The following TCF7L1 variants were observed in gnomAD, a reference collection of about 807,000 sequenced individuals.
TCF7L1 encodes the protein transcription factor 7-like 1.
TCF7L1 carries 18 observed loss-of-function variants against 63.7 expected under a neutral mutation model. The ratio of observed to expected loss-of-function variants is 0.28; its 90% CI spans 0.20 to 0.42. TCF7L1 has a LOEUF of 0.42. TCF7L1 is among the 10% of genes least tolerant of loss of function. The pLI is 1.00. For missense variants in TCF7L1, 654 were observed against 779.3 expected (o/e 0.84, Z 1.91); for synonymous variants, 355 against 340.9 (o/e 1.04, Z -0.46).
chr2:85,140,254 C>CA (rs1467243118), intron 3 of TCF7L1, among the ~76,000 whole-genome samples: 1 of 152,132 alleles, frequency 6.6e-6, no homozygotes, highest in Non-Finnish European at 1.5e-5. Flanking sequence ...TGACAGAGCC[C>CA]ACACAGTCTA....
intron 3 of TCF7L1, among the ~76,000 whole-genome samples, chr2:85,155,196 C>G (rs1678115950): frequency 6.6e-6 from 1 of 152,162 alleles, no homozygotes; most frequent in Non-Finnish European, 1.5e-5. Context: ...ACTTGGAGAA[C>G]TTTTCTGTCT....
At chr2:85,159,554 G>A (rs1678232686) in intron 3 of TCF7L1, among the ~76,000 whole-genome samples, 1 of 152,260 alleles carries the variant, frequency 6.6e-6, no homozygotes, top group Admixed American at 6.5e-5. Context: ...AATGTGAAAG[G>A]AAACAGGTTG....
At chr2:85,182,102 T>C (rs1572979989) in intron 3 of TCF7L1, among the ~76,000 whole-genome samples, 1 of 151,872 alleles carries the variant, frequency 6.6e-6, no homozygotes, top group East Asian at 1.9e-4. Flanking sequence ...CCTGAAGGAA[T>C]TAAGTGGGAT....
intron 3 of TCF7L1, among the ~76,000 whole-genome samples, chr2:85,237,212 T>C (rs1680211900): frequency 6.6e-6 from 1 of 152,214 alleles, no homozygotes; most frequent in African/African-American, 2.4e-5. Flanking sequence ...CTGGACAGTT[T>C]GTCTAGTGGT....
rs1558617705 is a variant in TCF7L1, at chr2:85,152,798, T to C, written c.441+18348T>C. ...TCTGTTCATCAATCCCCCTACTTAA[T>C]AGTTGTATAATTTTACATGATAATT... On this transcript the variant is annotated intron_variant, in intron 3 of 11. Transcript: ENST00000282111. Among the ~76,000 whole-genome samples the C allele has an allele frequency of 7.2e-5, 11 of 152,312 alleles. 1 individual carries two copies. In the South Asian group the frequency reaches 2.1e-3, roughly 29 times the overall value.
chr2:85,308,750 A>G (rs1195256488), intron 11 of TCF7L1, among the ~76,000 whole-genome samples: 1 of 152,118 alleles, frequency 6.6e-6, no homozygotes, highest in Non-Finnish European at 1.5e-5. Context: ...CCCAAAAGTT[A>G]CCAGCTTTAG....
intron 3 of TCF7L1, among the ~76,000 whole-genome samples, chr2:85,222,776 C>A (rs1325084333): frequency 6.6e-6 from 1 of 150,914 alleles, no homozygotes; most frequent in African/African-American, 2.4e-5. Flanking sequence ...TTGGAATAAA[C>A]TGTAGGGAAA....
intron 3 of TCF7L1, among the ~76,000 whole-genome samples, chr2:85,277,800 C>G (rs775411096): frequency 8.5e-5 from 13 of 152,196 alleles, no homozygotes; most frequent in Non-Finnish European, 1.6e-4. Context: ...AGCTTTGTTT[C>G]CTCTGTTGCC....
At chr2:85,302,690 T>A in intron 5 of TCF7L1, 74 bp downstream of exon 5, 1 of 1,536,688 alleles carries the variant, frequency 6.5e-7, no homozygotes, top group Non-Finnish European at 8.8e-7. Context: ...ATAACAGCCC[T>A]TGAATCAGGC....
intron 3 of TCF7L1, among the ~76,000 whole-genome samples, chr2:85,227,655 G>T (rs1392578718): frequency 6.6e-6 from 1 of 152,072 alleles, no homozygotes; most frequent in Admixed American, 6.6e-5. Context: ...AGTGATGCCT[G>T]CCACTTATTT....
rs75738078 is a variant in TCF7L1 at position 85,160,911 on chromosome 2, A to G, written c.441+26461A>G. On this transcript the variant is annotated intron_variant, in intron 3 of 11. Coordinates refer to ENST00000282111, the MANE Select transcript of TCF7L1 (RefSeq NM_031283.3). ...TCCAGAAGATCATTTGCAATCATCA[A>G]TGAGAACCCGCACATCATTCCTGTT... 7.3e-3 allele frequency among the ~76,000 whole-genome samples: 1,117 copies of G among 152,312 alleles called. 19 individuals are homozygous for G. Among genetic ancestry groups the G allele is most frequent in the South Asian group, 0.039 (186 of 4,818 alleles).
chr2:85,266,965 G>T (rs1319254580), intron 3 of TCF7L1, among the ~76,000 whole-genome samples: 2 of 152,208 alleles, frequency 1.3e-5, no homozygotes, highest in Non-Finnish European at 2.9e-5. Context: ...GGGCCTGACT[G>T]CCCTTATCTG....
At chr2:85,178,084 C>T (rs1194919790) in intron 3 of TCF7L1, among the ~76,000 whole-genome samples, 1 of 152,052 alleles carries the variant, frequency 6.6e-6, no homozygotes, top group Admixed American at 6.5e-5. Flanking sequence ...AAAGCAGGGA[C>T]CTTGCCAGGT....
chr2:85,136,779 G>A (rs1677605620), intron 3 of TCF7L1, among the ~76,000 whole-genome samples: 2 of 152,190 alleles, frequency 1.3e-5, no homozygotes, highest in Non-Finnish European at 1.5e-5. Context: ...TTCGTTTGCT[G>A]CCAGTAAGTA....
At chr2:85,296,184 G>C (rs944141669) in intron 4 of TCF7L1, among the ~76,000 whole-genome samples, 16 of 152,268 alleles carry the variant, frequency 1.1e-4, no homozygotes, top group African/African-American at 3.9e-4. Context: ...CTGGTCCCAG[G>C]TTCCACCTGG....
At chr2:85,173,949 C>T (rs903195498) in intron 3 of TCF7L1, among the ~76,000 whole-genome samples, 2 of 152,084 alleles carry the variant, frequency 1.3e-5, no homozygotes, top group Non-Finnish European at 2.9e-5. Context: ...GTTGGTCAGG[C>T]TGGTCTCGAA....
chr2:85,169,173 C>T (rs545970109), intron 3 of TCF7L1, among the ~76,000 whole-genome samples: 8 of 152,226 alleles, frequency 5.3e-5, no homozygotes, highest in African/African-American at 1.7e-4. Flanking sequence ...CCCCATCTGA[C>T]CTCACTCGGT....
At chr2:85,226,816 CTT>C (rs58016100) in intron 3 of TCF7L1, among the ~76,000 whole-genome samples, 1,490 of 137,264 alleles carry the variant, frequency 0.011, 17 homozygotes, top group African/African-American at 0.033. Flanking sequence ...CTCCCCCCGC[CTT>C]TTTTTTTTTT....
rs1573016419 is a variant in TCF7L1 at position 85,265,438 on chromosome 2, C to A, written c.442-18057C>A. ...GAGAACTAGCAGACTGGGTTGTCTC[C>A]TCTGGTTGAATTGGCGCCCAGACCT... On this transcript the variant is annotated intron_variant, in intron 3 of 11. Coordinates refer to ENST00000282111, the MANE Select transcript of TCF7L1 (RefSeq NM_031283.3). 5.9e-5 allele frequency among the ~76,000 whole-genome samples: 9 copies of A among 152,350 alleles called. 1 individual carries two copies. The South Asian group carries it at 1.9e-3, about 32-fold the overall frequency.
Sources: gnomAD v4.1 joint callset for allele counts (sites outside exome capture counted in the v4.1 genomes callset) on GRCh38, gnomAD v4.1.1 for gene constraint, MANE v1.5 for transcripts, NCBI Gene and HGNC (gene_info 2026-07-23, HGNC 2026-07-21) for gene names.